Variants in STKLD1 observed in about 807,000 individuals in gnomAD.
The protein encoded by STKLD1 is serine/threonine kinase like domain containing 1.
A neutral mutation model predicts 80.4 loss-of-function variants in STKLD1; 79 were observed. That is an observed-to-expected ratio of 0.98 (90% CI 0.82 to 1.19). STKLD1 has a LOEUF of 1.19. Among genes scored for constraint, STKLD1 ranks in the 50% most tolerant of loss-of-function variants. The pLI is 0.00. For missense variants in STKLD1, 841 were observed against 856.0 expected (o/e 0.98, Z 0.22); for synonymous variants, 393 against 357.6 (o/e 1.10, Z -1.12).
Position 133,390,606 on chromosome 9 carries a change from C to T in STKLD1, c.468-75C>T. On this transcript the variant is annotated intron_variant, in intron 6 of 17. Coordinates refer to ENST00000371957, the MANE Select transcript of STKLD1 (RefSeq NM_153710.5). This position sits in a 1 kb window ranked among gnomAD's most constrained non-coding sequence, Gnocchi z 5.1. Reference sequence around the variant, plus strand: ...GTCAGGCTCAGCACACACACTGGTCCCACCTGGGGTTGTGGGTGGTGGCTG... The same window carrying T: ...GTCAGGCTCAGCACACACACTGGTCTCACCTGGGGTTGTGGGTGGTGGCTG... 3 of 1,080,474 alleles carry T rather than the reference C, an allele frequency of 2.8e-6. No homozygotes were observed. The highest frequency in any genetic ancestry group is 1.4e-6 in the Non-Finnish European group (1 of 701,284). 66.9% of individuals were successfully genotyped at this position (1,080,474 alleles called of 1,614,324 possible).
rs1838492172 is a variant in STKLD1 at position 133,394,005 on chromosome 9, A to G, written c.584-286A>G. 1 of 398,978 alleles carries G rather than the reference A, an allele frequency of 2.5e-6. No homozygotes were observed. The allele number at this position is 398,978 out of a possible 1,614,324, so 24.7% of individuals were successfully genotyped here. A position where few individuals can be genotyped will look rare whatever the true frequency, so the allele number is the denominator to read the frequency against. On this transcript the variant is annotated intron_variant, in intron 7 of 17. Coordinates refer to ENST00000371957, the MANE Select transcript of STKLD1 (RefSeq NM_153710.5). The surrounding 1 kb of genome is among the most constrained non-coding windows in gnomAD (Gnocchi z 4.9). ...CTTCCAACTCCTTCTACAGCCATCC[A>G]GGGCACACAGACACACCACCTATAT...
intron 14 of STKLD1, among the ~76,000 whole-genome samples, chr9:133,403,271 T>G (rs953257927): frequency 6.6e-6 from 1 of 152,178 alleles, no homozygotes; most frequent in African/African-American, 2.4e-5. Context: ...GACCCCTCAG[T>G]TTTAAGTGCC....
chr9:133,395,933 C>T (rs933779468), intron 9 of STKLD1, 170 bp downstream of exon 9: 4 of 660,436 alleles, frequency 6.1e-6, no homozygotes, highest in African/African-American at 3.6e-5. Context: ...TCTCCCAAAC[C>T]GTGCTGCGGC....
intron 8 of STKLD1, among the ~76,000 whole-genome samples, chr9:133,395,031 G>A (rs587744944): frequency 6.6e-6 from 1 of 152,242 alleles, no homozygotes; most frequent in South Asian, 2.1e-4. Context: ...AGAGAAAAGT[G>A]GGGAAGGCCT....
chr9:133,381,342 C>T (rs2130265892), intron 2 of STKLD1, among the ~76,000 whole-genome samples: 1 of 151,540 alleles, frequency 6.6e-6, no homozygotes, highest in Non-Finnish European at 1.5e-5. Flanking sequence ...TCTCCATCAA[C>T]ATGGAGAGGA....
At chr9:133,382,214 T>C (rs2130267881) in intron 2 of STKLD1, among the ~76,000 whole-genome samples, 2 of 152,180 alleles carry the variant, frequency 1.3e-5, no homozygotes, top group African/African-American at 2.4e-5. Context: ...AGTGGTGAGA[T>C]TGATGCTTTC....
rs2130274885 is a variant in STKLD1, at chr9:133,385,593, G to A, written c.220-24G>A. Reference sequence around the variant, plus strand: ...GGCGTGGAGAGGCACTGACTTCTCCGTTTCCTCTGCTCTATCCTGGCAGCT... The same window carrying A: ...GGCGTGGAGAGGCACTGACTTCTCCATTTCCTCTGCTCTATCCTGGCAGCT... On this transcript the variant is annotated intron_variant, in intron 3 of 17. Coordinates refer to ENST00000371957, the MANE Select transcript of STKLD1 (RefSeq NM_153710.5). This position sits in a 1 kb window ranked among gnomAD's most constrained non-coding sequence, Gnocchi z 4.9. The A allele has an allele frequency of 3.5e-4, 563 of 1,611,154 alleles. No homozygotes were observed. The highest frequency in any genetic ancestry group is 8.5e-4 in the Admixed American group (51 of 59,916).
chr9:133,379,853 G>A (rs1263097919), intron 2 of STKLD1, among the ~76,000 whole-genome samples: 1 of 152,240 alleles, frequency 6.6e-6, no homozygotes, highest in Non-Finnish European at 1.5e-5. Context: ...AGCGGGAGGA[G>A]CCTTGTCAGC....
At chr9:133,378,505 T>C (rs1838058090) in intron 1 of STKLD1, among the ~76,000 whole-genome samples, 1 of 152,228 alleles carries the variant, frequency 6.6e-6, no homozygotes, top group Admixed American at 6.5e-5. Flanking sequence ...TGACATAGCC[T>C]CAGGCAAGGA....
chr9:133,401,141 T>G (rs1838694299), intron 12 of STKLD1, among the ~76,000 whole-genome samples: 1 of 145,744 alleles, frequency 6.9e-6, no homozygotes, highest in African/African-American at 2.7e-5. Context: ...AGTATTTAGT[T>G]ACTTTTTTTT....
At chr9:133,379,601 C>T (rs2119204220) in intron 2 of STKLD1, among the ~76,000 whole-genome samples, 1 of 152,322 alleles carries the variant, frequency 6.6e-6, no homozygotes, top group East Asian at 1.9e-4. Context: ...TGGGGACTGG[C>T]TCAAGGTCAC....
intron 16 of STKLD1, 97 bp from the exon 17 acceptor site, chr9:133,404,692 C>T: frequency 6.6e-7 from 1 of 1,508,284 alleles, no homozygotes; most frequent in Non-Finnish European, 8.8e-7. Flanking sequence ...TGTCCCAGGC[C>T]CCTGTGTGAG....
In STKLD1 at chr9:133,385,668, C is replaced by G. The variant is rs992066701; in HGVS notation, c.271C>G (p.Leu91Val). ...RHAHISVYQE[L>V]FITWNGEISS... ...CGCCCACATCTCTGTGTACCAGGAG[C>G]TGTTCATCACGTGGAATGGGGAGGT... The change falls in exon 4 of 18, where the codon CTG becomes GTG. Residue 91 changes from leucine (L) to valine (V), a missense_variant. By Grantham distance (32) the Leu-to-Val change is conservative. Transcript: ENST00000371957. The surrounding 1 kb of genome is among the most constrained non-coding windows in gnomAD (Gnocchi z 4.9). 13 of 1,613,140 alleles carry G rather than the reference C, an allele frequency of 8.1e-6. No homozygotes were observed. The highest frequency in any genetic ancestry group is 1.0e-5 in the Non-Finnish European group (12 of 1,179,976).
chr9:133,399,331 G>A (rs587750406), intron 11 of STKLD1, among the ~76,000 whole-genome samples: 1 of 152,280 alleles, frequency 6.6e-6, no homozygotes, highest in South Asian at 2.1e-4. Flanking sequence ...AGTGGCTCGG[G>A]CCTCAGAGGT....
intron 11 of STKLD1, 67 bp downstream of exon 11, chr9:133,398,122 G>A (rs782189457): frequency 9.4e-6 from 14 of 1,494,766 alleles, no homozygotes; most frequent in African/African-American, 2.8e-5. Flanking sequence ...TCCGGCCTGT[G>A]GGGAGCTGAG....
Position 133,394,549 on chromosome 9 carries a change from A to C in STKLD1, c.702+140A>C. 3.0e-6 allele frequency: 2 copies of C among 676,412 alleles called. No individual in the cohort carries two copies. Among genetic ancestry groups the C allele is most frequent in the Non-Finnish European group, 5.3e-6 (2 of 378,538 alleles). The allele number at this position is 676,412 out of a possible 1,614,324, so 41.9% of individuals were successfully genotyped here. ...CAGGCTGCACAGAGCCCTCTTCTCCACCTGCGAGGGGCCTGCCCTCCTCAG... is the reference window on the plus strand; with the variant it reads ...CAGGCTGCACAGAGCCCTCTTCTCCCCCTGCGAGGGGCCTGCCCTCCTCAG... On this transcript the variant is annotated intron_variant, in intron 8 of 17. Coordinates refer to ENST00000371957, the MANE Select transcript of STKLD1 (RefSeq NM_153710.5). The surrounding 1 kb of genome is among the most constrained non-coding windows in gnomAD (Gnocchi z 4.9).
intron 2 of STKLD1, among the ~76,000 whole-genome samples, chr9:133,379,441 C>T (rs1411777179): frequency 6.6e-6 from 1 of 152,230 alleles, no homozygotes. Flanking sequence ...TGTTTATAGC[C>T]AAAGACAGTG....
At chr9:133,377,685 A>T (rs1432865260) in intron 1 of STKLD1, among the ~76,000 whole-genome samples, 1 of 152,104 alleles carries the variant, frequency 6.6e-6, no homozygotes, top group Non-Finnish European at 1.5e-5. Flanking sequence ...AAAAAATAGC[A>T]GTCCCCAACC....
At chr9:133,381,242 G>A (rs182823141) in intron 2 of STKLD1, among the ~76,000 whole-genome samples, 4 of 147,774 alleles carry the variant, frequency 2.7e-5, no homozygotes, top group African/African-American at 1.0e-4. Flanking sequence ...GGATTCAAGC[G>A]ATTTTCCTGC....
Sources: gnomAD v4.1 joint callset for allele counts (sites outside exome capture counted in the v4.1 genomes callset) on GRCh38, gnomAD v4.1.1 for gene constraint, Gnocchi (gnomAD v3.1) non-coding constraint, MANE v1.5 for transcripts, NCBI Gene and HGNC (gene_info 2026-07-23, HGNC 2026-07-21) for gene names.